HDLBP: variants seen among roughly 807,000 people sequenced by gnomAD.
The protein encoded by HDLBP is vigilin.
HDLBP carries 30 observed loss-of-function variants against 137.3 expected under a neutral mutation model. The observed-to-expected ratio is 0.22, with a 90% CI of 0.16 to 0.30. The LOEUF (loss-of-function observed/expected upper bound fraction) is 0.30. Ranked by LOEUF, HDLBP falls within the 10% of genes least tolerant of loss-of-function variation. The pLI is 1.00. For missense variants in HDLBP, 1,119 were observed against 1,667.3 expected, an observed-to-expected ratio of 0.67 and a Z score of 5.73; for synonymous variants, 606 against 596.0, an observed-to-expected ratio of 1.02 and a Z score of -0.24.
intron 12 of HDLBP, among the ~76,000 whole-genome samples, 159 bp from the exon 13 acceptor site, chr2:241,248,507 G>A (rs1043167090): frequency 6.6e-6 from 1 of 152,194 alleles, no homozygotes; most frequent in Non-Finnish European, 1.5e-5. Context: ...GCAACCAGCT[G>A]TTAAGAGTGT....
In HDLBP at chr2:241,257,864, G is replaced by A. The variant is rs536701995; in HGVS notation, c.451-1058C>T. 7.4e-5 allele frequency among the ~76,000 whole-genome samples: 11 copies of A among 148,842 alleles called. No homozygotes were observed. In the South Asian group the frequency reaches 8.7e-4, roughly 12 times the overall value. ...ATTAACACAGGAAATACCAGTATACGGAAAGACCTGCTGGTCTGAACTGAA... is the reference window on the plus strand; with the variant it reads ...ATTAACACAGGAAATACCAGTATACAGAAAGACCTGCTGGTCTGAACTGAA... On this transcript the variant is annotated intron_variant, in intron 5 of 27. Transcript: ENST00000310931.
intron 1 of HDLBP, among the ~76,000 whole-genome samples, chr2:241,310,654 TAG>T (rs34604215): frequency 0.19 from 28,643 of 151,558 alleles, 3,033 homozygotes; most frequent in Middle Eastern, 0.34. Context: ...AGTAGAATTC[TAG>T]AGAGAGAGAG....
chr2:241,240,617 T>G lies in HDLBP; in HGVS notation c.2170-495A>C, dbSNP rs1210512636. Among the ~76,000 whole-genome samples the G allele has an allele frequency of 6.6e-6, 1 of 151,880 alleles. No homozygotes were observed. The highest frequency in any genetic ancestry group is 1.5e-5 in the Non-Finnish European group (1 of 67,954). ...GCCAGGCTCCCTTTCTTCCCACGAG[T>G]GCTACAGATCAGCCTCCACAAAACC... On this transcript the variant is annotated intron_variant, in intron 17 of 27. Coordinates refer to ENST00000310931, the MANE Select transcript of HDLBP (RefSeq NM_005336.6). This position sits in a 1 kb window ranked among gnomAD's most constrained non-coding sequence, Gnocchi z 5.5.
chr2:241,270,807 G>GC (rs2149570909), intron 1 of HDLBP, among the ~76,000 whole-genome samples: 1 of 152,312 alleles, frequency 6.6e-6, no homozygotes, highest in South Asian at 2.1e-4. Context: ...ACAGCGCCAG[G>GC]CAACTCCACT....
At position 241,297,657 on chromosome 2, in the gene HDLBP, C is replaced by T. The variant is rs147663339; in HGVS notation, c.-103+17913G>A. Among the ~76,000 whole-genome samples the T allele has an allele frequency of 3.5e-3, 526 of 152,124 alleles. 2 individuals carry two copies. Among genetic ancestry groups the T allele is most frequent in the Middle Eastern group, 0.031 (9 of 294 alleles). ...CTGCCATAAAAGGGAAGCAGGCCTT[C>T]TTGAAGAAAAGGCAGAATCCAGGTC... On this transcript the variant is annotated intron_variant, in intron 1 of 27. Transcript: ENST00000310931.
chr2:241,260,410 A>C (rs1161864238), intron 5 of HDLBP, among the ~76,000 whole-genome samples: 1 of 152,206 alleles, frequency 6.6e-6, no homozygotes, highest in Admixed American at 6.5e-5. Flanking sequence ...ATGAAGAATG[A>C]TGGACAATGC....
intron 1 of HDLBP, among the ~76,000 whole-genome samples, chr2:241,279,674 G>A (rs2149611782): frequency 6.6e-6 from 1 of 152,218 alleles, no homozygotes; most frequent in African/African-American, 2.4e-5. Flanking sequence ...CAGTAGGAGG[G>A]AAAAACTAGG....
At chr2:241,306,890 A>T (rs1315034131) in intron 1 of HDLBP, among the ~76,000 whole-genome samples, 172 of 131,376 alleles carry the variant, frequency 1.3e-3, no homozygotes, top group African/African-American at 4.5e-3. Context: ...TCAATAAATT[A>T]AAAAAAAAAA....
chr2:241,233,863 T>C lies in HDLBP; in HGVS notation c.3245A>G (p.His1082Arg). Residue 1082 changes from histidine to arginine, a missense_variant, in exon 24 of 28, where the codon CAT becomes CGT. His to Arg is a conservative substitution (Grantham distance 29, BLOSUM62 0). Around this residue, in one of 4 missense-constraint regions of HDLBP, gnomAD observed 618 missense variants for 816.7 expected, o/e 0.76. Coordinates refer to ENST00000310931, the MANE Select transcript of HDLBP (RefSeq NM_005336.6). The surrounding 1 kb of genome is among the most constrained non-coding windows in gnomAD (Gnocchi z 4.3). ...GAVITQIRLE[H>R]DVNIQFPDKD... Reference sequence around the variant, plus strand: ...ATCAGGAAACTGGATGTTCACGTCATGCTCCAACCGGATTTGGGTAATTAC... The same window carrying C: ...ATCAGGAAACTGGATGTTCACGTCACGCTCCAACCGGATTTGGGTAATTAC... 1 of 1,614,220 alleles carries C rather than the reference T, an allele frequency of 6.2e-7. No individual in the cohort carries two copies. Among genetic ancestry groups the C allele is most frequent in the Non-Finnish European group, 8.5e-7 (1 of 1,180,038 alleles).
chr2:241,274,296 T>G (rs965227830), intron 1 of HDLBP, among the ~76,000 whole-genome samples: 1 of 152,114 alleles, frequency 6.6e-6, no homozygotes, highest in Admixed American at 6.5e-5. Context: ...AGAGAACACC[T>G]GCGGCTTGAC....
chr2:241,255,648 A>C, intron 7 of HDLBP, 68 bp from the exon 8 acceptor site: 2 of 1,264,650 alleles, frequency 1.6e-6, no homozygotes, highest in South Asian at 2.4e-5. Context: ...GGGCATGGCC[A>C]CTGCTGCAGA....
chr2:241,307,277 C>G (rs1039133682), intron 1 of HDLBP, among the ~76,000 whole-genome samples: 1 of 152,190 alleles, frequency 6.6e-6, no homozygotes, highest in Non-Finnish European at 1.5e-5. Context: ...CTGAAAAACG[C>G]TTATTTGAAA....
chr2:241,242,279 T>C (rs938408662), intron 17 of HDLBP, among the ~76,000 whole-genome samples, 181 bp downstream of exon 17: 3 of 151,772 alleles, frequency 2.0e-5, no homozygotes, highest in Admixed American at 6.6e-5. Context: ...ATGTGAGCGT[T>C]TGGACCTGGA....
chr2:241,263,649 G>A (rs77892457), intron 4 of HDLBP, among the ~76,000 whole-genome samples: 144 of 152,236 alleles, frequency 9.5e-4, no homozygotes, highest in Admixed American at 1.8e-3. Flanking sequence ...CACTGGCAGC[G>A]AGATAGTAAT....
In HDLBP at chr2:241,264,946, C is replaced by T. The variant is rs189223065; in HGVS notation, c.77-341G>A. 6.6e-5 allele frequency among the ~76,000 whole-genome samples: 10 copies of T among 152,284 alleles called. No homozygotes were observed. In the East Asian group the frequency reaches 9.6e-4, roughly 15 times the overall value. On this transcript the variant is annotated intron_variant, in intron 3 of 27. Transcript: ENST00000310931. Reference sequence around the variant, plus strand: ...AGTCCCTTGAAAGCAAGCCTTGCTACGTCAATTTTTAAGTCCTCTAGAGTC... The same window carrying T: ...AGTCCCTTGAAAGCAAGCCTTGCTATGTCAATTTTTAAGTCCTCTAGAGTC...
At chr2:241,281,416 G>T (rs2074599217) in intron 1 of HDLBP, among the ~76,000 whole-genome samples, 1 of 152,218 alleles carries the variant, frequency 6.6e-6, no homozygotes, top group Non-Finnish European at 1.5e-5. Flanking sequence ...AGCTACTCGG[G>T]AGGCTGAGGT....
At chr2:241,277,191 T>G (rs1393654381) in intron 1 of HDLBP, among the ~76,000 whole-genome samples, 3 of 152,130 alleles carry the variant, frequency 2.0e-5, no homozygotes, top group African/African-American at 7.2e-5. Context: ...CCTTGTGGAA[T>G]GAAACAAGAT....
At chr2:241,286,909 G>GCA (rs2074833954) in intron 1 of HDLBP, among the ~76,000 whole-genome samples, 1 of 148,936 alleles carries the variant, frequency 6.7e-6, no homozygotes, top group African/African-American at 2.5e-5. Flanking sequence ...TGGCACCACT[G>GCA]CACTCCAGCC....
chr2:241,229,752 C>G (rs2069488331), intron 27 of HDLBP, 65 bp from the exon 28 acceptor site: 2 of 1,607,972 alleles, frequency 1.2e-6, no homozygotes, highest in Admixed American at 3.4e-5. Context: ...GCTTCCGACG[C>G]AGTTGCCACC....
Sources: gnomAD v4.1 joint callset for allele counts (sites outside exome capture counted in the v4.1 genomes callset) on GRCh38, gnomAD v4.1.1 for gene constraint, gnomAD v4.1.1 regional missense constraint, Gnocchi (gnomAD v3.1) non-coding constraint, MANE v1.5 for transcripts, NCBI Gene and HGNC (gene_info 2026-07-23, HGNC 2026-07-21) for gene names.